Variants in ATP6V0E2 observed in about 807,000 individuals in gnomAD.
ATP6V0E2 encodes ATPase H+ transporting V0 subunit e2.
ATP6V0E2 carries 4 observed loss-of-function variants against 11.5 expected under a neutral mutation model. The observed-to-expected ratio is 0.35, with a 90% CI of 0.17 to 0.80. The LOEUF (loss-of-function observed/expected upper bound fraction) is 0.80, where lower values mean the gene tolerates loss of function less well. Among genes scored for constraint, ATP6V0E2 ranks in the 30% least tolerant of loss-of-function variants. ATP6V0E2 has a pLI of 0.53. For synonymous variants in ATP6V0E2, 52 were observed against 51.0 expected (o/e 1.02, Z -0.09); for missense variants, 93 against 113.5 (o/e 0.82, Z 0.82).
upstream of ATP6V0E2, chr7:149,873,848 C>T (rs1445138480): frequency 2.8e-6 from 4 of 1,448,272 alleles, no homozygotes; most frequent in African/African-American, 5.7e-5. Context: ...TGTCCGCGGC[C>T]CTGCTCAGCC....
chr7:149,874,044 C>T lies in ATP6V0E2; in HGVS notation c.-22C>T, dbSNP rs758006166. On this transcript the variant is annotated 5_prime_UTR_variant, in exon 1 of 4. Coordinates refer to ENST00000425642, the MANE Select transcript of ATP6V0E2 (RefSeq NM_145230.4). ...GCCCGCTGCTCGGCCCTGCATCCTG[C>T]CTGGGCATCCTGCGCCCGGCCATGA... 40 of 1,549,616 alleles carry T rather than the reference C, an allele frequency of 2.6e-5. No individual in the cohort carries two copies. In the South Asian group the frequency reaches 4.3e-4, roughly 17 times the overall value.
chr7:149,873,973 C>T lies in ATP6V0E2; in HGVS notation c.-93C>T, dbSNP rs761088408. ...CGCTTCGGGTGCTCGACTCCTGTTG[C>T]GCATGCTCAGCGCGCTGCCCGGCTG... On this transcript the variant is annotated 5_prime_UTR_variant, in exon 1 of 4. Coordinates refer to ENST00000425642, the MANE Select transcript of ATP6V0E2 (RefSeq NM_145230.4). The T allele has an allele frequency of 1.3e-6, 2 of 1,546,086 alleles. No homozygotes were observed. The highest frequency in any genetic ancestry group is 8.7e-7 in the Non-Finnish European group (1 of 1,147,296).
rs760642732 is a variant in ATP6V0E2, at chr7:149,878,835, A to G, written c.*19+45A>G. On this transcript the variant is annotated intron_variant, in intron 3 of 3. Transcript: ENST00000425642. Reference sequence around the variant, plus strand: ...TGTGGGTGGGGAAGAGGGGAAAGACAAGGCTTTCCCACACCCAGGGCAGGC... The same window carrying G: ...TGTGGGTGGGGAAGAGGGGAAAGACGAGGCTTTCCCACACCCAGGGCAGGC... 24 of 980,984 alleles carry G rather than the reference A, an allele frequency of 2.4e-5. 2 individuals are homozygous for G. Among genetic ancestry groups the G allele is most frequent in the Non-Finnish European group, 3.1e-5 (21 of 686,568 alleles). The allele number at this position is 980,984 out of a possible 1,614,324, so 60.8% of individuals were successfully genotyped here. A position where few individuals can be genotyped will look rare whatever the true frequency, so the allele number is the denominator to read the frequency against.
chr7:149,874,264 G>C, intron 1 of ATP6V0E2, 95 bp downstream of exon 1: 2 of 1,423,138 alleles, frequency 1.4e-6, no homozygotes, highest in Non-Finnish European at 1.9e-6. Flanking sequence ...CTGCTCTGCA[G>C]CGAGCGTCCG....
At chr7:149,873,914 A>C, upstream of ATP6V0E2, 1 of 1,518,512 alleles carries the variant, frequency 6.6e-7, no homozygotes, top group Non-Finnish European at 8.8e-7. Flanking sequence ...GGGCTGGATC[A>C]GGAGATGCGC....
chr7:149,879,608 TG>T lies in ATP6V0E2; in HGVS notation c.*297del. On this transcript the variant is annotated 3_prime_UTR_variant, in exon 4 of 4. Coordinates refer to ENST00000425642, the MANE Select transcript of ATP6V0E2 (RefSeq NM_145230.4). ...GCCCTCTTTCCCAAGGAGATGCTGCTGGGGAGCTGGTATGGGTGGGGTCTTT... is the reference window on the plus strand; with the variant it reads ...GCCCTCTTTCCCAAGGAGATGCTGCTGGGAGCTGGTATGGGTGGGGTCTTT... The T allele has an allele frequency of 6.8e-7, 1 of 1,475,962 alleles. No individual in the cohort carries two copies. The highest frequency in any genetic ancestry group is 2.5e-5 in the East Asian group (1 of 39,390). 91.4% of individuals were successfully genotyped at this position (1,475,962 alleles called of 1,614,324 possible).
intron 2 of ATP6V0E2, among the ~76,000 whole-genome samples, chr7:149,877,412 G>A (rs2128948727): frequency 6.6e-6 from 1 of 152,140 alleles, no homozygotes; most frequent in East Asian, 1.9e-4. Context: ...GAACTCCTTG[G>A]CTTAAGTGAT....
upstream of ATP6V0E2, chr7:149,873,783 T>C: frequency 7.9e-7 from 1 of 1,270,782 alleles, no homozygotes; most frequent in Non-Finnish European, 1.0e-6. Context: ...ACGCGGACCC[T>C]ATAACCCATC....
chr7:149,879,023 G>T, intron 3 of ATP6V0E2: 1 of 1,284,562 alleles, frequency 7.8e-7, no homozygotes, highest in African/African-American at 1.4e-5. Flanking sequence ...AGTTCTTGTT[G>T]GGATTCAGGC....
chr7:149,879,279 G>T, intron 3 of ATP6V0E2, 56 bp from the exon 4 acceptor site: 2 of 1,432,108 alleles, frequency 1.4e-6, no homozygotes, highest in African/African-American at 1.4e-5. Flanking sequence ...GGAGGGTTGG[G>T]GGCAGTGGAG....
Position 149,879,727 on chromosome 7 carries a change from T to A in ATP6V0E2, c.*412T>A. On this transcript the variant is annotated 3_prime_UTR_variant, in exon 4 of 4. Coordinates refer to ENST00000425642, the MANE Select transcript of ATP6V0E2 (RefSeq NM_145230.4). ...GGGTGCTCCGGCCCAGGCGGGGGAG[T>A]CAGTGCCCAGTCAGCAGCTCTGCCA... 7.7e-7 allele frequency: 1 copy of A among 1,304,770 alleles called. No individual in the cohort carries two copies. Among genetic ancestry groups the A allele is most frequent in the Non-Finnish European group, 9.9e-7 (1 of 1,009,894 alleles). 80.8% of individuals were successfully genotyped at this position (1,304,770 alleles called of 1,614,324 possible).
upstream of ATP6V0E2, chr7:149,873,903 C>A: frequency 2.0e-6 from 3 of 1,501,936 alleles, no homozygotes; most frequent in Non-Finnish European, 2.7e-6. Context: ...GACAGCGCGG[C>A]GGGCTGGATC....
intron 2 of ATP6V0E2, chr7:149,875,993 C>G (rs1030642679): frequency 1.4e-5 from 7 of 517,940 alleles, no homozygotes; most frequent in Middle Eastern, 2.9e-4. Flanking sequence ...GCACCCTACA[C>G]CCATGAAATT....
At position 149,879,659 on chromosome 7, in the gene ATP6V0E2, A is replaced by C. The variant is rs757976758; in HGVS notation, c.*344A>C. 1.2e-5 allele frequency: 17 copies of C among 1,453,742 alleles called. No homozygotes were observed. In the South Asian group the frequency reaches 2.2e-4, roughly 19 times the overall value. 90.1% of individuals were successfully genotyped at this position (1,453,742 alleles called of 1,614,324 possible). A position where few individuals can be genotyped will look rare whatever the true frequency, so the allele number is the denominator to read the frequency against. On this transcript the variant is annotated 3_prime_UTR_variant, in exon 4 of 4. Transcript: ENST00000425642. Reference sequence around the variant, plus strand: ...TCCCTTTACAGACGGGGCAGATGCCAGGACTCAGCCCATCCTGAGGAGGAC... The same window carrying C: ...TCCCTTTACAGACGGGGCAGATGCCCGGACTCAGCCCATCCTGAGGAGGAC...
chr7:149,877,027 A>G (rs1452894024), intron 2 of ATP6V0E2, among the ~76,000 whole-genome samples: 5 of 152,120 alleles, frequency 3.3e-5, no homozygotes, highest in African/African-American at 1.2e-4. Flanking sequence ...CTTTATTCCT[A>G]TTAACCAATT....
In ATP6V0E2 at chr7:149,879,750, C is replaced by A; in HGVS notation, c.*435C>A. 1 of 1,160,236 alleles carries A rather than the reference C, an allele frequency of 8.6e-7. No individual in the cohort carries two copies. The allele number at this position is 1,160,236 out of a possible 1,614,324, so 71.9% of individuals were successfully genotyped here. On this transcript the variant is annotated 3_prime_UTR_variant, in exon 4 of 4. Transcript: ENST00000425642. ...AGTCAGTGCCCAGTCAGCAGCTCTG[C>A]CACCATCCTGCTGGGAACTGGGGGG...
At chr7:149,877,179 T>C (rs10241201) in intron 2 of ATP6V0E2, among the ~76,000 whole-genome samples, 94,628 of 151,842 alleles carry the variant, frequency 0.62, 30,121 homozygotes, top group African/African-American at 0.73. Flanking sequence ...GTGCACACCA[T>C]TGCACCCGGC....
chr7:149,874,206 C>G, intron 1 of ATP6V0E2, 37 bp downstream of exon 1: 1 of 1,523,388 alleles, frequency 6.6e-7, no homozygotes. Flanking sequence ...ACCTCTCCAC[C>G]CCGGCCCCCT....
At position 149,879,873 on chromosome 7, in the gene ATP6V0E2, G is replaced by C; in HGVS notation, c.*558G>C. Reference sequence around the variant, plus strand: ...AAATTTCTGAAAATGTTGAAGCAGAGAAACATTCACACACAAAAAGCAACA... The same window carrying C: ...AAATTTCTGAAAATGTTGAAGCAGACAAACATTCACACACAAAAAGCAACA... On this transcript the variant is annotated 3_prime_UTR_variant, in exon 4 of 4. Coordinates refer to ENST00000425642, the MANE Select transcript of ATP6V0E2 (RefSeq NM_145230.4). The C allele has an allele frequency of 4.7e-6, 2 of 427,836 alleles. No homozygotes were observed. The highest frequency in any genetic ancestry group is 8.0e-6 in the Non-Finnish European group (2 of 250,506). The allele number at this position is 427,836 out of a possible 1,614,324, so 26.5% of individuals were successfully genotyped here. A position where few individuals can be genotyped will look rare whatever the true frequency, so the allele number is the denominator to read the frequency against.
Sources: allele counts gnomAD v4.1 joint callset (sites outside exome capture counted in the v4.1 genomes callset), GRCh38; gene constraint gnomAD v4.1.1; transcripts MANE v1.5; gene names NCBI Gene and HGNC (gene_info 2026-07-23, HGNC 2026-07-21).